Variants in SLX4 observed in about 807,000 individuals in gnomAD.
The protein encoded by SLX4 is SLX4 structure-specific endonuclease subunit, also known as structure-specific endonuclease subunit SLX4.
In SLX4, 112 loss-of-function variants were observed where a neutral mutation model predicts 146.2. The ratio of observed to expected loss-of-function variants is 0.77; its 90% CI spans 0.66 to 0.90. SLX4 has a LOEUF of 0.90. SLX4 is among the 40% of genes least tolerant of loss of function. The pLI is 0.00. For synonymous variants in SLX4, 1,061 were observed against 997.7 expected (o/e 1.06, Z -1.20); for missense variants, 2,563 against 2,392.7 (o/e 1.07, Z -1.49).
In SLX4 at chr16:3,596,296, C is replaced by G. The variant is rs1239209467; in HGVS notation, c.1781G>C (p.Gly594Ala). Residue 594 changes from glycine to alanine, a missense_variant, in exon 8 of 15, where the codon GGC becomes GCC. Coordinates refer to ENST00000294008, the MANE Select transcript of SLX4 (RefSeq NM_032444.4). ...AGGCGACGGGCCCCTGGAGCCACAG[C>G]CTGCAGTGGGGGTGCCGTGGAGAGC... ...SPALHGTPTA[G>A]CGSRGPSPSA... 6.4e-7 allele frequency: 1 copy of G among 1,574,164 alleles called. No homozygotes were observed. Among genetic ancestry groups the G allele is most frequent in the South Asian group, 1.2e-5 (1 of 86,374 alleles).
At position 3,583,485 on chromosome 16, in the gene SLX4, GT is replaced by G. The variant is rs1567166655; in HGVS notation, c.4764del (p.Lys1588AsnfsTer6). The G allele has an allele frequency of 1.2e-6, 2 of 1,614,174 alleles. No individual in the cohort carries two copies. Among genetic ancestry groups the G allele is most frequent in the Non-Finnish European group, 1.7e-6 (2 of 1,180,044 alleles). On this transcript the variant is annotated frameshift_variant, in exon 14 of 15. Transcript: ENST00000294008. LOFTEE classifies it high-confidence loss of function. ...LDRFGVRPLP[K>X]RQMVLKLKEI... ...TCCTTCAGCTTCAGAACCATCTGGC[GT>G]TTAGGCAGAGGGCGGACTCCAAACC...
At chr16:3,604,216 C>CAAA (rs1215741550) in intron 3 of SLX4, among the ~76,000 whole-genome samples, 2 of 63,782 alleles carry the variant, frequency 3.1e-5, no homozygotes, top group African/African-American at 5.4e-5. Flanking sequence ...AAGCCTCTGT[C>CAAA]AAAAAAAAAA....
Position 3,583,250 on chromosome 16 carries a change from T to C in SLX4, c.5000A>G (p.His1667Arg), listed in dbSNP as rs139304111. The change falls in exon 14 of 15, where the codon CAT becomes CGT. Residue 1667 changes from histidine to arginine, a missense_variant. His to Arg is a conservative substitution (Grantham distance 29). Transcript: ENST00000294008. ...KGPAKTKGPR[H>R]QRKHHESITP... Reference sequence around the variant, plus strand: ...GATGCTTTCATGATGCTTCCTTTGATGTCGGGGGCCCTTGGTCTTAGCAGG... The same window carrying C: ...GATGCTTTCATGATGCTTCCTTTGACGTCGGGGGCCCTTGGTCTTAGCAGG... 5.6e-6 allele frequency: 9 copies of C among 1,614,068 alleles called. No individual in the cohort carries two copies. Among genetic ancestry groups the C allele is most frequent in the Admixed American group, 1.7e-5 (1 of 60,000 alleles).
chr16:3,595,758 A>C, intron 8 of SLX4, 65 bp from the exon 9 acceptor site: 1 of 1,576,454 alleles, frequency 6.3e-7, no homozygotes, highest in South Asian at 1.1e-5. Flanking sequence ...CCAAGAAGAC[A>C]GCGTTGACCA....
Position 3,582,421 on chromosome 16 carries a change from G to A in SLX4, c.5426C>T (p.Thr1809Ile). The change falls in exon 15 of 15, where the codon ACC becomes ATC. Residue 1809 changes from threonine to isoleucine, a missense_variant. Thr to Ile is a moderately conservative substitution (Grantham distance 89). Transcript: ENST00000294008. ...CTTCTCCCTGCGGGTGGCGGCAGTG[G>A]TGAAGGTGATACAGTGGGTGTCCAG... ...DFLDTHCITFTTAATRREKLQ... is the reference protein window; with the variant it reads ...DFLDTHCITFITAATRREKLQ... The A allele has an allele frequency of 6.2e-7, 1 of 1,613,924 alleles. No homozygotes were observed. The highest frequency in any genetic ancestry group is 8.5e-7 in the Non-Finnish European group (1 of 1,180,042).
chr16:3,588,833 C>T (rs549566222), intron 12 of SLX4, among the ~76,000 whole-genome samples, 169 bp downstream of exon 12: 2 of 152,260 alleles, frequency 1.3e-5, no homozygotes, highest in South Asian at 2.1e-4. Context: ...AGAACCAGCC[C>T]GGCTCTCCTC....
intron 2 of SLX4, 126 bp from the exon 3 acceptor site, chr16:3,606,824 A>C: frequency 1.0e-6 from 1 of 966,618 alleles, no homozygotes; most frequent in Non-Finnish European, 1.6e-6. Context: ...TTGACTCACA[A>C]ATGTGAAGAG....
chr16:3,582,593 T>G lies in SLX4; in HGVS notation c.5254A>C (p.Thr1752Pro). 1 of 1,613,686 alleles carries G rather than the reference T, an allele frequency of 6.2e-7. No individual in the cohort carries two copies. The highest frequency in any genetic ancestry group is 8.5e-7 in the Non-Finnish European group (1 of 1,180,044). ...ATGTAGCACCTCAGCGCCTCGTCTG[T>G]GTCCGCCGCCTGCACGGCTGCCTGC... is the stretch of plus-strand genomic sequence containing the variant. ...ASQAAVQAAD[T>P]DEALRCYIRS... The change falls in exon 15 of 15, where the codon ACA (threonine) becomes CCA (proline). Residue 1752 changes from threonine (T) to proline (P), a missense_variant. Thr to Pro is a conservative substitution (Grantham distance 38). Transcript: ENST00000294008.
Position 3,596,342 on chromosome 16 carries a change from G to C in SLX4, c.1735C>G (p.Leu579Val). 2 of 1,595,602 alleles carry C rather than the reference G, an allele frequency of 1.3e-6. No individual in the cohort carries two copies. Among genetic ancestry groups the C allele is most frequent in the Non-Finnish European group, 1.7e-6 (2 of 1,171,664 alleles). Residue 579 changes from leucine (L) to valine (V), a missense_variant, in exon 8 of 15, where the codon CTG becomes GTG. Physicochemically the swap from Leu to Val is conservative, Grantham distance 32. Transcript: ENST00000294008. ...AGAGCGGGTGACCTTCGCTCGCTCA[G>C]CTCTGAGTGCTCAGGTGGCACCAGA... ...PPLVPPEHSELSERRSPALHG... is the reference protein window; with the variant it reads ...PPLVPPEHSEVSERRSPALHG...
chr16:3,583,327 G>A lies in SLX4; in HGVS notation c.4923C>T (p.Val1641=), dbSNP rs2040464739. The A allele has an allele frequency of 1.9e-6, 3 of 1,613,942 alleles. No homozygotes were observed. In the African/African-American group the frequency reaches 4.0e-5, roughly 22 times the overall value. The change falls in exon 14 of 15, where the codon GTC becomes GTT. Residue 1641 remains valine (V), a synonymous_variant. Transcript: ENST00000294008. ...SQTYKPSRAG[V]HAQQEATTGP... is the part of the protein sequence containing the mutation. ...CTGTGGTGGCCTCCTGCTGGGCATG[G>A]ACCCCTGCCCTTGAAGGCTTGTAGG...
chr16:3,597,614 A>C lies in SLX4; in HGVS notation c.1448T>G (p.Ile483Arg). Residue 483 changes from isoleucine (I) to arginine (R), a missense_variant, in exon 7 of 15, where the codon ATA (isoleucine) becomes AGA (arginine). Physicochemically the swap from Ile to Arg is moderately conservative, Grantham distance 97. Coordinates refer to ENST00000294008, the MANE Select transcript of SLX4 (RefSeq NM_032444.4). This position sits in a 1 kb window ranked among gnomAD's most constrained non-coding sequence, Gnocchi z 4.4. The part of the protein sequence containing the change: ...VQDSETTGRQ[I>R]EDRVALLLSE... ...GAGGAGCAGGGCCACACGGTCCTCTATCTGTCGGCCTGTGGTTTCAGAGTC... is the reference window on the plus strand; with the variant it reads ...GAGGAGCAGGGCCACACGGTCCTCTCTCTGTCGGCCTGTGGTTTCAGAGTC... The C allele has an allele frequency of 6.2e-7, 1 of 1,614,090 alleles. No individual in the cohort carries two copies.
chr16:3,599,843 C>A (rs1189085899), intron 5 of SLX4, among the ~76,000 whole-genome samples: 1 of 152,190 alleles, frequency 6.6e-6, no homozygotes, highest in African/African-American at 2.4e-5. Flanking sequence ...GCCCTGGCCT[C>A]CCAAAGTATT....
intron 10 of SLX4, 55 bp from the exon 11 acceptor site, chr16:3,592,920 G>T: frequency 1.3e-6 from 2 of 1,561,240 alleles, no homozygotes; most frequent in Non-Finnish European, 8.7e-7. Context: ...GTAACTTGGA[G>T]CAAAGCAGAC....
In SLX4 at chr16:3,583,178, T is replaced by A. The variant is rs551385115; in HGVS notation, c.5072A>T (p.Asn1691Ile). 2.5e-6 allele frequency: 4 copies of A among 1,614,238 alleles called. No homozygotes were observed. In the South Asian group the frequency reaches 4.4e-5, roughly 18 times the overall value. Residue 1691 changes from asparagine to isoleucine, a missense_variant, in exon 14 of 15, where the codon AAT becomes ATT. By Grantham distance (149) the Asn-to-Ile change is moderately radical. Transcript: ENST00000294008. ...SPTKEAPPGL[N>I]DDAQIPASQE... The stretch of plus-strand genomic sequence containing the variant: ...AGAGGCTGGGATCTGGGCGTCATCA[T>A]TGAGGCCTGGAGGTGCCTCCTTGGT...
intron 5 of SLX4, among the ~76,000 whole-genome samples, chr16:3,599,381 GA>G (rs1356296912): frequency 7.2e-5 from 11 of 152,238 alleles, no homozygotes; most frequent in Non-Finnish European, 1.3e-4. Flanking sequence ...TGTTCACTAT[GA>G]ACCTGGTGTC....
At chr16:3,587,524 G>T (rs970724816) in intron 12 of SLX4, among the ~76,000 whole-genome samples, 10 of 152,166 alleles carry the variant, frequency 6.6e-5, no homozygotes, top group African/African-American at 2.4e-4. Flanking sequence ...TATGACCATG[G>T]AGCCCTTTGA....
chr16:3,582,685 G>A lies in SLX4; in HGVS notation c.5162C>T (p.Ser1721Phe), dbSNP rs776382556. 1.2e-6 allele frequency: 2 copies of A among 1,611,736 alleles called. No homozygotes were observed. The highest frequency in any genetic ancestry group is 1.1e-5 in the South Asian group (1 of 91,052). The change falls in exon 15 of 15, where the codon TCC becomes TTC. Residue 1721 changes from serine (S) to phenylalanine (F), a missense_variant. By Grantham distance (155) the Ser-to-Phe change is radical. Transcript: ENST00000294008. The stretch of plus-strand genomic sequence containing the variant: ...CTCAAATGCCGCTCCAAACTCACAG[G>A]AGGAAGAACTGAAAAGAGCCAGACC... The part of the protein sequence containing the change: ...DSSLSSQSSS[S>F]CEFGAAFESA...
chr16:3,595,724 G>A lies in SLX4; in HGVS notation c.1925-31C>T, dbSNP rs200789012. 22 of 1,608,518 alleles carry A rather than the reference G, an allele frequency of 1.4e-5. 1 individual carries two copies. In the East Asian group the frequency reaches 2.2e-4, roughly 16 times the overall value. On this transcript the variant is annotated intron_variant, in intron 8 of 14. Coordinates refer to ENST00000294008, the MANE Select transcript of SLX4 (RefSeq NM_032444.4). ...TGGAGGATTCACAGGTTAAAGGAAC[G>A]TCACAGCCCAGCCACATCCACCACC...
At chr16:3,601,520 C>T (rs1411746820) in intron 4 of SLX4, 1 of 399,402 alleles carries the variant, frequency 2.5e-6, no homozygotes, top group African/African-American at 2.1e-5. Flanking sequence ...CAGCTCTATC[C>T]ACAATCCCAA....
Sources: gnomAD v4.1 joint callset for allele counts (sites outside exome capture counted in the v4.1 genomes callset) on GRCh38, gnomAD v4.1.1 for gene constraint, Gnocchi (gnomAD v3.1) non-coding constraint, MANE v1.5 for transcripts, NCBI Gene and HGNC (gene_info 2026-07-23, HGNC 2026-07-21) for gene names.